The following CLDN10 variants were observed in gnomAD, a reference collection of about 807,000 sequenced individuals.
CLDN10 encodes claudin 10.
In CLDN10, 15 loss-of-function variants were observed where a neutral mutation model predicts 22.9. That is an observed-to-expected ratio of 0.65 (90% CI 0.44 to 1.01). The LOEUF (loss-of-function observed/expected upper bound fraction) is 1.01, where lower values mean the gene tolerates loss of function less well. CLDN10 is among the 50% of genes least tolerant of loss of function. The pLI is 0.00. For missense variants in CLDN10, 247 were observed against 287.8 expected (o/e 0.86, Z 1.03); for synonymous variants, 114 against 111.4 (o/e 1.02, Z -0.15).
At position 95,444,799 on chromosome 13, in the gene CLDN10, T is replaced by G. The variant is rs184926840; in HGVS notation, c.214+10752T>G. On this transcript the variant is annotated intron_variant, in intron 1 of 4. Coordinates refer to the CLDN10 transcript ENST00000376873. ...GTTTTTTGTTTGTTTTGTTTTGTTG[T>G]TGGTGGTGGTGTTTTTACAGAGTCT... is the stretch of plus-strand genomic sequence containing the variant. Among the ~76,000 whole-genome samples the G allele has an allele frequency of 2.4e-4, 36 of 152,348 alleles. No individual in the cohort carries two copies. In the East Asian group the frequency reaches 3.1e-3, roughly 13 times the overall value.
chr13:95,531,938 G>A (rs945483881), intron 1 of CLDN10, among the ~76,000 whole-genome samples: 4 of 152,008 alleles, frequency 2.6e-5, no homozygotes, highest in Non-Finnish European at 5.9e-5. Flanking sequence ...TTAAACAAAT[G>A]GTGCTAAAGT....
At position 95,541,199 on chromosome 13, in the gene CLDN10, G is replaced by A. The variant is rs117405578; in HGVS notation, c.215-18933G>A. 5.5e-3 allele frequency among the ~76,000 whole-genome samples: 836 copies of A among 152,342 alleles called. 10 individuals are homozygous for A. Among genetic ancestry groups the A allele is most frequent in the East Asian group, 0.041 (214 of 5,186 alleles). On this transcript the variant is annotated intron_variant, in intron 1 of 4. Transcript: ENST00000376873. Reference sequence around the variant, plus strand: ...TCAGGCCTTGTGCAGAAAATAAACGGAACTCGTCTGCCTTTCCTTTCTAAC... The same window carrying A: ...TCAGGCCTTGTGCAGAAAATAAACGAAACTCGTCTGCCTTTCCTTTCTAAC...
At chr13:95,506,233 C>A (rs921794495) in intron 1 of CLDN10, among the ~76,000 whole-genome samples, 2 of 152,014 alleles carry the variant, frequency 1.3e-5, no homozygotes, top group Non-Finnish European at 2.9e-5. Flanking sequence ...ACACGAGAGC[C>A]CTGCCAAACA....
exon 1 of CLDN10, chr13:95,433,765 C>T (rs1375132903): frequency 4.6e-6 from 7 of 1,532,938 alleles, no homozygotes; most frequent in Non-Finnish European, 6.3e-6. Context: ...AAAGTGTTCT[C>T]TATCGGCTGC....
chr13:95,525,074 G>T (rs562462572), intron 1 of CLDN10, among the ~76,000 whole-genome samples: 81 of 152,020 alleles, frequency 5.3e-4, no homozygotes, highest in African/African-American at 1.9e-3. Flanking sequence ...GGTCAGGCTG[G>T]TCTCGAACTC....
At chr13:95,532,208 C>G (rs769704236) in intron 1 of CLDN10, among the ~76,000 whole-genome samples, 2 of 152,092 alleles carry the variant, frequency 1.3e-5, no homozygotes, top group Non-Finnish European at 2.9e-5. Context: ...TCAAAAGATG[C>G]CTTTGAGAAA....
intron 1 of CLDN10, among the ~76,000 whole-genome samples, chr13:95,511,150 T>G (rs953694892): frequency 1.3e-5 from 2 of 152,110 alleles, no homozygotes; most frequent in Non-Finnish European, 2.9e-5. Flanking sequence ...TGACAACCAG[T>G]TTTTCAAGAA....
intron 1 of CLDN10, among the ~76,000 whole-genome samples, chr13:95,471,958 TTTTTTTG>T (rs1456655063): frequency 0.028 from 2,218 of 79,048 alleles, 23 homozygotes; most frequent in Non-Finnish European, 0.054. Context: ...TTTTTTTTTT[TTTTTTTG>T]GTAGAGATAG....
chr13:95,548,474 T>C (rs1254835810), upstream of CLDN10, among the ~76,000 whole-genome samples: 1 of 152,046 alleles, frequency 6.6e-6, no homozygotes, highest in Non-Finnish European at 1.5e-5. Flanking sequence ...TTTATAGTTA[T>C]AATTTGCAAA....
chr13:95,572,557 C>A (rs2043877217), intron 3 of CLDN10, among the ~76,000 whole-genome samples: 1 of 152,094 alleles, frequency 6.6e-6, no homozygotes. Flanking sequence ...CCGAAAAGTC[C>A]TAGTACAATG....
At chr13:95,460,623 C>G (rs564768523) in intron 1 of CLDN10, among the ~76,000 whole-genome samples, 1 of 152,080 alleles carries the variant, frequency 6.6e-6, no homozygotes, top group Non-Finnish European at 1.5e-5. Flanking sequence ...TGATCTTTGC[C>G]GTGACATGTG....
chr13:95,455,987 TGCTA>T (rs376350087), intron 1 of CLDN10, among the ~76,000 whole-genome samples: 81 of 152,364 alleles, frequency 5.3e-4, no homozygotes, highest in African/African-American at 1.9e-3. Context: ...CAGCATGTTG[TGCTA>T]GCTAAGTTAG....
At chr13:95,511,441 A>G (rs2043096939) in intron 1 of CLDN10, among the ~76,000 whole-genome samples, 1 of 152,088 alleles carries the variant, frequency 6.6e-6, no homozygotes, top group South Asian at 2.1e-4. Context: ...TTAACAGAAC[A>G]AGTGTTGAGA....
chr13:95,465,981 C>A (rs2042578136), intron 1 of CLDN10, among the ~76,000 whole-genome samples: 2 of 151,946 alleles, frequency 1.3e-5, no homozygotes. Context: ...AATATTAAAC[C>A]AACCTGGAAT....
rs1016891601 is a variant in CLDN10, at chr13:95,454,345, G to A, written c.214+20298G>A. On this transcript the variant is annotated intron_variant, in intron 1 of 4. Transcript: ENST00000376873. ...AATCTCAGCTACTTGGGAGGCTGAGGCAGAAGAATCACTTGAACCTGGGAG... is the reference window on the plus strand; with the variant it reads ...AATCTCAGCTACTTGGGAGGCTGAGACAGAAGAATCACTTGAACCTGGGAG... 1.2e-4 allele frequency among the ~76,000 whole-genome samples: 18 copies of A among 152,200 alleles called. 1 individual carries two copies. The highest frequency in any genetic ancestry group is 2.9e-5 in the Non-Finnish European group (2 of 68,032).
At chr13:95,519,082 G>T (rs2043199106) in intron 1 of CLDN10, among the ~76,000 whole-genome samples, 1 of 152,140 alleles carries the variant, frequency 6.6e-6, no homozygotes, top group Non-Finnish European at 1.5e-5. Flanking sequence ...AGCTGTTCTG[G>T]GGTATCAAAG....
intron 3 of CLDN10, among the ~76,000 whole-genome samples, chr13:95,564,240 G>C (rs2043754701): frequency 6.6e-6 from 1 of 152,184 alleles, no homozygotes; most frequent in South Asian, 2.1e-4. Flanking sequence ...ACCTAGAAGT[G>C]AAATTCTTAT....
chr13:95,568,726 C>T (rs1294839243), intron 3 of CLDN10, among the ~76,000 whole-genome samples: 1 of 152,138 alleles, frequency 6.6e-6, no homozygotes, highest in East Asian at 1.9e-4. Flanking sequence ...TGTAGAGGAC[C>T]CATGCTCCAT....
At chr13:95,508,266 G>A (rs1044867622) in intron 1 of CLDN10, among the ~76,000 whole-genome samples, 5 of 151,940 alleles carry the variant, frequency 3.3e-5, no homozygotes. Flanking sequence ...TAACATTCTT[G>A]TGGCCAGGTC....
Sources: gnomAD v4.1 joint callset for allele counts (sites outside exome capture counted in the v4.1 genomes callset) on GRCh38, gnomAD v4.1.1 for gene constraint, MANE v1.5 for transcripts, NCBI Gene and HGNC (gene_info 2026-07-23, HGNC 2026-07-21) for gene names.